Variants in MTMR6 observed in about 807,000 individuals in gnomAD.
MTMR6 encodes the protein phosphatidylinositol-3,5-bisphosphate 3-phosphatase MTMR6.
In MTMR6, 47 loss-of-function variants were observed where a neutral mutation model predicts 80.1. The ratio of observed to expected loss-of-function variants is 0.59; its 90% confidence interval spans 0.46 to 0.75. The LOEUF is 0.75. Ranked by LOEUF, MTMR6 falls within the 30% of genes least tolerant of loss-of-function variation. The pLI, the probability that MTMR6 is intolerant of heterozygous loss-of-function variation, is 0.00. For synonymous variants in MTMR6, 254 were observed against 253.0 expected, an observed-to-expected ratio of 1.00 and a Z score of -0.04; for missense variants, 629 against 730.9, an observed-to-expected ratio of 0.86 and a Z score of 1.61.
intron 11 of MTMR6, among the ~76,000 whole-genome samples, chr13:25,252,659 C>G (rs771406980): frequency 6.6e-6 from 1 of 152,174 alleles, no homozygotes; most frequent in Non-Finnish European, 1.5e-5. Flanking sequence ...TCTACTTTTA[C>G]TTCCATCTTT....
chr13:25,263,698 C>T (rs1368220429), intron 5 of MTMR6, among the ~76,000 whole-genome samples: 1 of 152,116 alleles, frequency 6.6e-6, no homozygotes, highest in African/African-American at 2.4e-5. Context: ...ACCATCCTGG[C>T]CAAATGGTGA....
chr13:25,285,516 G>A (rs1957938194), intron 1 of MTMR6, among the ~76,000 whole-genome samples: 1 of 149,716 alleles, frequency 6.7e-6, no homozygotes, highest in Non-Finnish European at 1.5e-5. Flanking sequence ...GGGACTACAG[G>A]TACATACCAC....
In MTMR6 at chr13:25,266,142, T is replaced by C. The variant is rs142949277; in HGVS notation, c.449A>G (p.Asn150Ser). The change falls in exon 4 of 14, where the codon AAC becomes AGC. Residue 150 changes from asparagine (N) to serine (S), a missense_variant. By Grantham distance (46) the Asn-to-Ser change is conservative. Coordinates refer to ENST00000381801, the MANE Select transcript of MTMR6 (RefSeq NM_004685.5). ...TTGTTAAGGTACCTTGTAGTCCCGG[T>C]TGGCATCAGACAACTGCCAGTGTGA... The part of the protein sequence containing the change: ...PNSHWQLSDA[N>S]RDYKICETYP... 5.6e-6 allele frequency: 9 copies of C among 1,613,690 alleles called. No homozygotes were observed. Among genetic ancestry groups the C allele is most frequent in the African/African-American group, 1.3e-5 (1 of 74,914 alleles).
chr13:25,257,351 G>A (rs749991862), intron 8 of MTMR6, 30 bp from the exon 9 acceptor site: 21 of 1,607,050 alleles, frequency 1.3e-5, no homozygotes, highest in East Asian at 6.7e-5. Context: ...ACATTCTAGC[G>A]TACTTTAAGG....
rs1396347911 is a variant in MTMR6 at position 25,287,239 on chromosome 13, A to G, written c.9T>C (p.His3=). The G allele has an allele frequency of 1.3e-6, 2 of 1,597,700 alleles. No individual in the cohort carries two copies. The highest frequency in any genetic ancestry group is 1.1e-5 in the South Asian group (1 of 88,914). Residue 3 remains histidine (H), a synonymous_variant, in exon 1 of 14, where the codon CAT becomes CAC. Transcript: ENST00000381801. ...GCCCGACTACCTTGGTCGTCCGGAT[A>G]TGCTCCATCGCAAGGAGACGTCAGC... ME[H]IRTTKVEQVK... is the part of the protein sequence containing the mutation.
chr13:25,261,437 C>CTAAAATA (rs199565709), intron 6 of MTMR6, among the ~76,000 whole-genome samples: 2,067 of 150,702 alleles, frequency 0.014, 63 homozygotes, highest in African/African-American at 0.047. Flanking sequence ...TTCAGCTTTC[C>CTAAAATA]TGAATTTATA....
At chr13:25,263,723 T>C (rs1957390562) in intron 5 of MTMR6, among the ~76,000 whole-genome samples, 1 of 151,962 alleles carries the variant, frequency 6.6e-6, no homozygotes, top group Non-Finnish European at 1.5e-5. Context: ...CAATCTCTAC[T>C]AAAAATATAA....
chr13:25,267,492 A>G (rs949075695), intron 3 of MTMR6, among the ~76,000 whole-genome samples: 7 of 152,288 alleles, frequency 4.6e-5, no homozygotes, highest in African/African-American at 1.4e-4. Flanking sequence ...ACATTGTGCT[A>G]CTTGCCATCA....
chr13:25,271,210 TCAAA>T (rs1957568039), intron 2 of MTMR6, among the ~76,000 whole-genome samples: 2 of 152,088 alleles, frequency 1.3e-5, no homozygotes, highest in South Asian at 4.2e-4. Context: ...GTCCGGATTT[TCAAA>T]CAATCAGATG....
chr13:25,254,901 T>C (rs1188081801), intron 9 of MTMR6, among the ~76,000 whole-genome samples: 2 of 152,098 alleles, frequency 1.3e-5, no homozygotes, highest in Non-Finnish European at 2.9e-5. Flanking sequence ...AAAAAAAAAC[T>C]AATGATAAAA....
rs56833434 is a variant in MTMR6 at position 25,261,303 on chromosome 13, TAAAAA to T, written c.726+360_726+364del. 9.8e-5 allele frequency among the ~76,000 whole-genome samples: 4 copies of T among 40,870 alleles called. 1 individual carries two copies. Among genetic ancestry groups the T allele is most frequent in the Non-Finnish European group, 1.7e-4 (4 of 22,940 alleles). The allele number at this position is 40,870 out of a possible 152,430, so 26.8% of individuals were successfully genotyped here. On this transcript the variant is annotated intron_variant, in intron 6 of 13. Transcript: ENST00000381801. ...AGGGTGACAGAGTGCAACTCTGTCT[TAAAAA>T]AAAAAAAAAAAAAAAAAAAAAAAAA... is the stretch of plus-strand genomic sequence containing the variant.
chr13:25,255,730 G>C (rs1957189965), intron 9 of MTMR6, among the ~76,000 whole-genome samples: 2 of 152,002 alleles, frequency 1.3e-5, no homozygotes, highest in African/African-American at 4.8e-5. Flanking sequence ...CACCATATTG[G>C]CCAGGCTGGT....
chr13:25,257,345 T>C (rs1315979523), intron 8 of MTMR6, 24 bp from the exon 9 acceptor site: 1 of 1,611,616 alleles, frequency 6.2e-7, no homozygotes, highest in Admixed American at 1.7e-5. Flanking sequence ...TCACATACAT[T>C]CTAGCGTACT....
intron 9 of MTMR6, 73 bp from the exon 10 acceptor site, chr13:25,254,507 T>C: frequency 9.6e-7 from 1 of 1,038,532 alleles, no homozygotes; most frequent in Non-Finnish European, 1.5e-6. Flanking sequence ...TAAATCTTAT[T>C]AGTTTAAAAA....
Position 25,247,325 on chromosome 13 carries a change from T to C in MTMR6, c.*1907A>G, listed in dbSNP as rs888351936. Reference sequence around the variant, plus strand: ...ATCATATATGAAGTAATTTACATGCTATACACTTCCAAACACACTGAACAT... The same window carrying C: ...ATCATATATGAAGTAATTTACATGCCATACACTTCCAAACACACTGAACAT... On this transcript the variant is annotated 3_prime_UTR_variant, in exon 14 of 14. Coordinates refer to ENST00000381801, the MANE Select transcript of MTMR6 (RefSeq NM_004685.5). The C allele has an allele frequency of 6.6e-6, 1 of 152,658 alleles. No individual in the cohort carries two copies. The allele number at this position is 152,658 out of a possible 1,614,324, so 9.5% of individuals were successfully genotyped here. A position where few individuals can be genotyped will look rare whatever the true frequency, so the allele number is the denominator to read the frequency against.
chr13:25,282,598 TTTTTTCTTTTTTC>T (rs1258249231), intron 1 of MTMR6, among the ~76,000 whole-genome samples: 8 of 146,488 alleles, frequency 5.5e-5, no homozygotes, highest in African/African-American at 2.0e-4. Flanking sequence ...TTCTTTTTTC[TTTTTTCTTTTTTC>T]TTTTTTTTTT....
In MTMR6 at chr13:25,274,054, GCTGCGGTC is replaced by G; in HGVS notation, c.141+9_141+16del. The G allele has an allele frequency of 7.2e-7, 1 of 1,389,452 alleles. No homozygotes were observed. The highest frequency in any genetic ancestry group is 1.0e-6 in the Non-Finnish European group (1 of 984,270). 86.1% of individuals were successfully genotyped at this position (1,389,452 alleles called of 1,614,324 possible). Reference sequence around the variant, plus strand: ...CATTATTATTATGATAAATAGTACAGCTGCGGTCCTCCTTACCCAGGTTTCTTTTTGAT... The same window carrying G: ...CATTATTATTATGATAAATAGTACAGCTCCTTACCCAGGTTTCTTTTTGAT... On this transcript the variant is annotated intron_variant, in intron 2 of 13. Transcript: ENST00000381801.
Position 25,258,590 on chromosome 13 carries a change from T to G in MTMR6, c.829A>C (p.Met277Leu). The change falls in exon 7 of 14, where the codon ATG becomes CTG. Residue 277 changes from methionine to leucine, a missense_variant. Coordinates refer to ENST00000381801, the MANE Select transcript of MTMR6 (RefSeq NM_004685.5). ...QFVGIENIHV[M>L]RSSLQKLLEV... ...AATAATTTCTGAAGGCTGGACCTCA[T>G]GACATGAATATTTTCAATTCCAACA... 1 of 1,595,782 alleles carries G rather than the reference T, an allele frequency of 6.3e-7. No homozygotes were observed. Among genetic ancestry groups the G allele is most frequent in the Non-Finnish European group, 8.5e-7 (1 of 1,175,312 alleles).
chr13:25,271,551 G>A (rs2137589934), intron 2 of MTMR6, among the ~76,000 whole-genome samples: 1 of 152,292 alleles, frequency 6.6e-6, no homozygotes, highest in East Asian at 1.9e-4. Flanking sequence ...TCTAAAAGCT[G>A]GCAGAGCTAG....
Sources: allele counts gnomAD v4.1 joint callset (sites outside exome capture counted in the v4.1 genomes callset), GRCh38; gene constraint gnomAD v4.1.1; transcripts MANE v1.5; gene names NCBI Gene and HGNC (gene_info 2026-07-23, HGNC 2026-07-21).